XCR1: variants seen among roughly 807,000 people sequenced by gnomAD.
XCR1 encodes the protein X-C motif chemokine receptor 1, also known as chemokine XC receptor 1.
For missense variants in XCR1, 356 were observed against 424.2 expected, an observed-to-expected ratio of 0.84 and a Z score of 1.41; for synonymous variants, 187 against 188.5, an observed-to-expected ratio of 0.99 and a Z score of 0.06.
At chr3:46,058,879 G>C (rs938419370) in intron 4 of XCR1, among the ~76,000 whole-genome samples, 1 of 152,306 alleles carries the variant, frequency 6.6e-6, no homozygotes, top group African/African-American at 2.4e-5. Flanking sequence ...GGTGTCTTCT[G>C]TTAGAGTGAA....
At chr3:46,051,301 C>A (rs4683170) in intron 5 of XCR1, among the ~76,000 whole-genome samples, 109,627 of 152,136 alleles carry the variant, frequency 0.72, 40,627 homozygotes, top group East Asian at 0.95. Context: ...TGCTGTAAGT[C>A]AGTCTTGACC....
intron 1 of XCR1, among the ~76,000 whole-genome samples, chr3:46,077,422 A>C (rs1204305223): frequency 6.6e-6 from 1 of 151,924 alleles, no homozygotes; most frequent in Non-Finnish European, 1.5e-5. Flanking sequence ...CATCACCTCC[A>C]GATGGGACCA....
chr3:46,048,833 G>A (rs1043371959), intron 5 of XCR1, among the ~76,000 whole-genome samples: 3 of 152,086 alleles, frequency 2.0e-5, no homozygotes, highest in Admixed American at 1.3e-4. Flanking sequence ...TTTTGATTGA[G>A]GTGGTAGTTG....
At chr3:46,041,045 AT>A (rs1292570987) in intron 5 of XCR1, among the ~76,000 whole-genome samples, 6 of 152,034 alleles carry the variant, frequency 3.9e-5, no homozygotes, top group Non-Finnish European at 7.4e-5. Flanking sequence ...TGAGCCATTT[AT>A]AGCCTTTAAA....
chr3:46,034,371 AT>A (rs1239212830), intron 5 of XCR1, among the ~76,000 whole-genome samples: 1 of 151,920 alleles, frequency 6.6e-6, no homozygotes, highest in African/African-American at 2.4e-5. Context: ...ATTCTTTGAG[AT>A]TTTATACTGT....
At chr3:46,040,742 C>A (rs566447302) in intron 5 of XCR1, among the ~76,000 whole-genome samples, 49 of 152,156 alleles carry the variant, frequency 3.2e-4, no homozygotes, top group Middle Eastern at 3.4e-3. Flanking sequence ...CAAAAAGTGA[C>A]TTATAATCAG....
Position 46,074,223 on chromosome 3 carries a change from T to TTTTTTTTTTC in XCR1, c.-263+427_-263+428insGAAAAAAAAA, listed in dbSNP as rs1553635513. On this transcript the variant is annotated intron_variant, in intron 3 of 5. Coordinates refer to the XCR1 transcript ENST00000683768. ...TGGAACTGAAGGCCATCTTTTTTTT[T>TTTTTTTTTTC]TTTTTTTTTTTTTTTTTGAGACAGG... Among the ~76,000 whole-genome samples the TTTTTTTTTTC allele has an allele frequency of 1.9e-4, 23 of 118,002 alleles. 1 individual carries two copies. The highest frequency in any genetic ancestry group is 8.7e-4 in the African/African-American group (21 of 24,202). 77.4% of individuals were successfully genotyped at this position (118,002 alleles called of 152,430 possible).
upstream of XCR1, among the ~76,000 whole-genome samples, chr3:46,031,348 T>C (rs952311918): frequency 1.3e-5 from 2 of 152,246 alleles, no homozygotes; most frequent in African/African-American, 4.8e-5. Context: ...TTCTCCCCAC[T>C]GTCACTGCCT....
chr3:46,074,762 G>A (rs923786712), intron 2 of XCR1, among the ~76,000 whole-genome samples: 3 of 152,110 alleles, frequency 2.0e-5, no homozygotes, highest in Admixed American at 1.3e-4. Flanking sequence ...CTGTTTCAGG[G>A]GTGGCAAAGG....
intron 3 of XCR1, among the ~76,000 whole-genome samples, chr3:46,068,223 T>C (rs1319530784): frequency 6.6e-6 from 1 of 152,190 alleles, no homozygotes; most frequent in Admixed American, 6.5e-5. Context: ...CCAAGCATCA[T>C]GGCTTTATTA....
intron 5 of XCR1, among the ~76,000 whole-genome samples, chr3:46,050,121 G>A (rs1476393796): frequency 1.3e-5 from 2 of 152,206 alleles, no homozygotes; most frequent in Non-Finnish European, 2.9e-5. Flanking sequence ...GGAGAGTTGG[G>A]GGTAGGAAGA....
intron 1 of XCR1, chr3:46,023,508 C>T (rs1708212337): frequency 1.3e-6 from 2 of 1,569,046 alleles, no homozygotes; most frequent in Non-Finnish European, 1.7e-6. Flanking sequence ...TCCTCCTCAT[C>T]CAAGAGAGAT....
intron 5 of XCR1, among the ~76,000 whole-genome samples, chr3:46,032,931 G>A (rs1708426569): frequency 6.6e-6 from 1 of 152,168 alleles, no homozygotes; most frequent in African/African-American, 2.4e-5. Flanking sequence ...ATCATCTGTG[G>A]TGAAGTGTCT....
At chr3:46,076,980 C>A (rs1391497351) in intron 1 of XCR1, among the ~76,000 whole-genome samples, 1 of 152,160 alleles carries the variant, frequency 6.6e-6, no homozygotes, top group African/African-American at 2.4e-5. Context: ...TTTAATATAT[C>A]CAGCCCAGAA....
intron 5 of XCR1, among the ~76,000 whole-genome samples, chr3:46,048,206 GC>G (rs1376508731): frequency 7.9e-5 from 12 of 152,196 alleles, no homozygotes; most frequent in Non-Finnish European, 1.6e-4. Flanking sequence ...GGATCCTGGA[GC>G]CCACTCTCCC....
chr3:46,057,589 T>A (rs1273110878), intron 4 of XCR1, among the ~76,000 whole-genome samples: 1 of 152,162 alleles, frequency 6.6e-6, no homozygotes, highest in African/African-American at 2.4e-5. Flanking sequence ...ATTCTAGGTG[T>A]TGTAGATGTG....
intron 4 of XCR1, among the ~76,000 whole-genome samples, chr3:46,056,127 C>T (rs1470783962): frequency 1.3e-5 from 2 of 152,206 alleles, no homozygotes; most frequent in Non-Finnish European, 2.9e-5. Flanking sequence ...CACTCTTCTT[C>T]CTACTGCTCT....
At chr3:46,031,422 G>C (rs934628685), upstream of XCR1, among the ~76,000 whole-genome samples, 7 of 152,238 alleles carry the variant, frequency 4.6e-5, no homozygotes, top group Admixed American at 3.9e-4. Context: ...CCAGATGTGT[G>C]CATGCTTGGG....
At chr3:46,051,999 C>G (rs1697753925) in intron 5 of XCR1, among the ~76,000 whole-genome samples, 1 of 150,560 alleles carries the variant, frequency 6.6e-6, no homozygotes. Context: ...GCACTTCAGT[C>G]TGGGCAACAA....
Sources: gnomAD v4.1 joint callset for allele counts (sites outside exome capture counted in the v4.1 genomes callset) on GRCh38, gnomAD v4.1.1 for gene constraint, MANE v1.5 for transcripts, NCBI Gene and HGNC (gene_info 2026-07-23, HGNC 2026-07-21) for gene names.